The following AMBRA1 variants were observed in gnomAD, a reference collection of about 807,000 sequenced individuals.
AMBRA1 encodes the protein activating molecule in BECN1-regulated autophagy protein 1.
AMBRA1 carries 47 observed loss-of-function variants against 125.4 expected under a neutral mutation model. That is an observed-to-expected ratio of 0.37 (90% CI 0.30 to 0.48). The LOEUF (loss-of-function observed/expected upper bound fraction) is 0.48. Among genes scored for constraint, AMBRA1 ranks in the 20% least tolerant of loss-of-function variants. AMBRA1 has a pLI of 0.99. For missense variants in AMBRA1, 1,331 were observed against 1,693.4 expected (o/e 0.79, Z 3.76); for synonymous variants, 626 against 655.5 (o/e 0.95, Z 0.69).
Position 46,402,411 on chromosome 11 carries a change from G to A in AMBRA1, c.3404-4468C>T, listed in dbSNP as rs551106426. 5.9e-5 allele frequency among the ~76,000 whole-genome samples: 9 copies of A among 152,184 alleles called. 1 individual carries two copies. In the South Asian group the frequency reaches 1.9e-3, roughly 32 times the overall value. ...GAGTCTTGCTCTGTTGCCCAGGCTGGAGTGCGGTGGCGAGATCTCAGCTCA... is the reference window on the plus strand; with the variant it reads ...GAGTCTTGCTCTGTTGCCCAGGCTGAAGTGCGGTGGCGAGATCTCAGCTCA... On this transcript the variant is annotated intron_variant, in intron 17 of 17. Coordinates refer to ENST00000683756, the MANE Select transcript of AMBRA1 (RefSeq NM_001387011.1).
At chr11:46,547,522 AT>A in intron 3 of AMBRA1, 1 of 563,772 alleles carries the variant, frequency 1.8e-6, no homozygotes, top group Non-Finnish European at 3.1e-6. Context: ...TTCGGAAAAT[AT>A]TTTTTCCCAC....
intron 12 of AMBRA1, among the ~76,000 whole-genome samples, chr11:46,436,301 T>C (rs1399791214): frequency 3.3e-5 from 5 of 152,216 alleles, no homozygotes; most frequent in Non-Finnish European, 5.9e-5. Flanking sequence ...TAAGAGTGAT[T>C]TGTAAAACTC....
chr11:46,510,336 T>C (rs539119790), intron 8 of AMBRA1, among the ~76,000 whole-genome samples: 9 of 152,342 alleles, frequency 5.9e-5, no homozygotes, highest in African/African-American at 2.2e-4. Flanking sequence ...TCCTAAATTT[T>C]CAACCAACAG....
At position 46,494,368 on chromosome 11, in the gene AMBRA1, A is replaced by G. The variant is rs764519575; in HGVS notation, c.2340-164T>C. ...TAATTAGGCAGCACATTAATAAAAC[A>G]TATTTCTGGAGAACCTCAACTAAGA... On this transcript the variant is annotated intron_variant, in intron 9 of 17. Transcript: ENST00000683756. 2.4e-4 allele frequency among the ~76,000 whole-genome samples: 36 copies of G among 152,328 alleles called. No homozygotes were observed. The Middle Eastern group carries it at 0.01, about 43-fold the overall frequency.
intron 7 of AMBRA1, among the ~76,000 whole-genome samples, chr11:46,536,091 A>C (rs1952462918): frequency 6.6e-6 from 1 of 152,238 alleles, no homozygotes; most frequent in South Asian, 2.1e-4. Flanking sequence ...GGGATATAGT[A>C]ATAGGTTTTT....
At chr11:46,548,011 A>G in intron 2 of AMBRA1, 136 bp from the exon 3 acceptor site, 1 of 1,227,180 alleles carries the variant, frequency 8.1e-7, no homozygotes, top group East Asian at 2.4e-5. Context: ...TGATCAAGCT[A>G]CAAATTGAGA....
intron 9 of AMBRA1, among the ~76,000 whole-genome samples, chr11:46,503,566 G>A (rs115472122): frequency 1.3e-5 from 2 of 151,994 alleles, no homozygotes; most frequent in Admixed American, 6.5e-5. Flanking sequence ...GCTCAATGTC[G>A]GGTTGCCACA....
At chr11:46,483,587 T>C (rs1335627405) in intron 11 of AMBRA1, among the ~76,000 whole-genome samples, 1 of 152,128 alleles carries the variant, frequency 6.6e-6, no homozygotes, top group African/African-American at 2.4e-5. Flanking sequence ...GAAAAGCTGA[T>C]GTGAGCCCAG....
At chr11:46,583,652 C>CAAAAAAAAAAAAAAAAAAAAAAAAAAA (rs1398623719) in intron 1 of AMBRA1, among the ~76,000 whole-genome samples, 1 of 12,564 alleles carries the variant, frequency 8.0e-5, no homozygotes, top group African/African-American at 2.4e-4. Context: ...AACAAATTTC[C>CAAAAAAAAAAAAAAAAAAAAAAAAAAA]AAAAAAAAAA....
Position 46,493,977 on chromosome 11 carries a change from G to A in AMBRA1, c.2420+147C>T, listed in dbSNP as rs185441245. The A allele has an allele frequency of 6.4e-5, 49 of 759,778 alleles. No homozygotes were observed. The East Asian group carries it at 9.2e-4, about 14-fold the overall frequency. 47.1% of individuals were successfully genotyped at this position (759,778 alleles called of 1,614,324 possible). A position where few individuals can be genotyped will look rare whatever the true frequency, so the allele number is the denominator to read the frequency against. ...TTTTGAATGTGGCTAACCATCATCC[G>A]TCAAGAGTTTAGACAGCAGGGCTGG... is the stretch of plus-strand genomic sequence containing the variant. On this transcript the variant is annotated intron_variant, in intron 10 of 17. Coordinates refer to ENST00000683756, the MANE Select transcript of AMBRA1 (RefSeq NM_001387011.1).
chr11:46,445,071 C>CAAAAAAAAAAAAAAA (rs11386442), intron 11 of AMBRA1, among the ~76,000 whole-genome samples: 15 of 89,702 alleles, frequency 1.7e-4, no homozygotes, highest in East Asian at 3.0e-4. Context: ...AAAAGAAAAA[C>CAAAAAAAAAAAAAAA]AAAAAAAAAA....
chr11:46,404,500 C>G (rs1373776187), intron 17 of AMBRA1, among the ~76,000 whole-genome samples: 1 of 152,202 alleles, frequency 6.6e-6, no homozygotes, highest in African/African-American at 2.4e-5. Flanking sequence ...ACCCATCCAT[C>G]AAGTGCCCAT....
At chr11:46,464,465 G>A (rs1223057405) in intron 11 of AMBRA1, among the ~76,000 whole-genome samples, 1 of 152,148 alleles carries the variant, frequency 6.6e-6, no homozygotes, top group African/African-American at 2.4e-5. Flanking sequence ...AAGGCACAGA[G>A]CTCCCAGGAC....
intron 17 of AMBRA1, among the ~76,000 whole-genome samples, chr11:46,406,905 G>T (rs1424593865): frequency 2.0e-5 from 3 of 151,022 alleles, no homozygotes; most frequent in Admixed American, 6.6e-5. Context: ...AACAGGCCAG[G>T]CACGGTGGCT....
chr11:46,463,224 T>C (rs1949174471), intron 11 of AMBRA1, among the ~76,000 whole-genome samples: 1 of 152,128 alleles, frequency 6.6e-6, no homozygotes, highest in African/African-American at 2.4e-5. Flanking sequence ...TGAGGATGAG[T>C]TTAAAATTCA....
chr11:46,587,305 G>A (rs977334510), intron 1 of AMBRA1, among the ~76,000 whole-genome samples: 7 of 152,120 alleles, frequency 4.6e-5, no homozygotes, highest in Middle Eastern at 3.4e-3. Flanking sequence ...GCTTGAACCC[G>A]GGAGGTGGAG....
chr11:46,562,252 CAAGTACT>C (rs1353884641), intron 1 of AMBRA1, among the ~76,000 whole-genome samples: 1 of 152,074 alleles, frequency 6.6e-6, no homozygotes, highest in East Asian at 1.9e-4. Context: ...TGAGGAGTAC[CAAGTACT>C]AAGGTCCCTA....
chr11:46,477,838 G>C (rs1039942187), intron 11 of AMBRA1, among the ~76,000 whole-genome samples: 2 of 152,076 alleles, frequency 1.3e-5, no homozygotes, highest in Non-Finnish European at 2.9e-5. Context: ...CACTTTGGGA[G>C]GCTGAGACGG....
At chr11:46,547,084 A>G in intron 4 of AMBRA1, 29 bp downstream of exon 4, 6 of 1,564,038 alleles carry the variant, frequency 3.8e-6, no homozygotes, top group Non-Finnish European at 5.2e-6. Flanking sequence ...GAACACCAAA[A>G]GAAAAGGGTA....
Sources: allele counts gnomAD v4.1 joint callset (sites outside exome capture counted in the v4.1 genomes callset), GRCh38; gene constraint gnomAD v4.1.1; transcripts MANE v1.5; gene names NCBI Gene and HGNC (gene_info 2026-07-23, HGNC 2026-07-21).